The following TMEM114 variants were observed in gnomAD, a reference collection of about 807,000 sequenced individuals.
TMEM114 encodes claudin-26.
A neutral mutation model predicts 6.2 loss-of-function variants in TMEM114; 6 were observed. The ratio of observed to expected loss-of-function variants is 0.97; its 90% confidence interval spans 0.53 to 1.91. TMEM114 has a LOEUF of 1.91. Ranked by LOEUF, TMEM114 falls within the 40% of genes most tolerant of loss-of-function variation. The pLI is 0.01. For synonymous variants in TMEM114, 104 were observed against 73.0 expected (o/e 1.42, Z -2.16); for missense variants, 218 against 158.3 (o/e 1.38, Z -2.02).
chr16:8,564,949 G>A (rs116683857), downstream of TMEM114, among the ~76,000 whole-genome samples: 432 of 142,606 alleles, frequency 3.0e-3, 8 homozygotes, highest in African/African-American at 0.011. Context: ...GAGGGAATGG[G>A]TGAGTGAATG....
intron 2 of TMEM114, among the ~76,000 whole-genome samples, chr16:8,540,051 C>G (rs977408888): frequency 1.3e-5 from 2 of 152,082 alleles, no homozygotes; most frequent in Non-Finnish European, 1.5e-5. Context: ...CTCTCGACCT[C>G]AGCCTAAGGT....
chr16:8,579,998 C>A (rs116774032), intron 2 of TMEM114, among the ~76,000 whole-genome samples: 283 of 152,064 alleles, frequency 1.9e-3, no homozygotes, highest in African/African-American at 6.5e-3. Flanking sequence ...GAGAGGGATT[C>A]CCAAAAGTGG....
intron 2 of TMEM114, among the ~76,000 whole-genome samples, chr16:8,585,001 A>G (rs1440949836): frequency 6.6e-6 from 1 of 152,084 alleles, no homozygotes; most frequent in Non-Finnish European, 1.5e-5. Context: ...TGGGTAATTT[A>G]TAAAGGAAAG....
At chr16:8,550,177 C>T (rs546331541) in intron 2 of TMEM114, among the ~76,000 whole-genome samples, 4 of 152,344 alleles carry the variant, frequency 2.6e-5, no homozygotes, top group Middle Eastern at 3.4e-3. Flanking sequence ...GCCGTGCTGG[C>T]AGCTAATTGG....
At chr16:8,535,757 T>A (rs574552946), downstream of TMEM114, among the ~76,000 whole-genome samples, 4 of 152,320 alleles carry the variant, frequency 2.6e-5, no homozygotes, top group African/African-American at 9.6e-5. Flanking sequence ...GGTGATGGTA[T>A]GGGAGACTCA....
At position 8,582,225 on chromosome 16, in the gene TMEM114, T is replaced by A. The variant is rs116055452; in HGVS notation, c.301+6988A>T. On this transcript the variant is annotated intron_variant, in intron 2 of 3. Transcript: ENST00000620492. ...AAGGCATTTGACCTCTCTGGGTCTG[T>A]TGTCCTCATCTGACCAGCCTGGCCT... 1.3e-3 allele frequency among the ~76,000 whole-genome samples: 201 copies of A among 152,276 alleles called. 1 individual carries two copies. Among genetic ancestry groups the A allele is most frequent in the African/African-American group, 4.7e-3 (195 of 41,562 alleles).
chr16:8,550,276 C>T (rs1035499634), intron 2 of TMEM114, among the ~76,000 whole-genome samples: 7 of 152,238 alleles, frequency 4.6e-5, no homozygotes. Flanking sequence ...CAGAAATACC[C>T]AGATACATCC....
At chr16:8,527,619 C>A in the TMEM114 span, among the ~76,000 whole-genome samples, 1 of 152,124 alleles carries the variant, frequency 6.6e-6, no homozygotes, top group Non-Finnish European at 1.5e-5. Flanking sequence ...GTACTAAGCC[C>A]CTTTCTTGTT....
downstream of TMEM114, among the ~76,000 whole-genome samples, chr16:8,568,007 A>C (rs1026383616): frequency 6.6e-6 from 1 of 152,196 alleles, no homozygotes; most frequent in African/African-American, 2.4e-5. Flanking sequence ...AAAGGAGCAG[A>C]CAGCCAGTAA....
chr16:8,578,716 C>A (rs1336831339), intron 2 of TMEM114, among the ~76,000 whole-genome samples: 1 of 152,142 alleles, frequency 6.6e-6, no homozygotes, highest in African/African-American at 2.4e-5. Flanking sequence ...TGGTGGCCCA[C>A]ACCTGTAATC....
the TMEM114 span, among the ~76,000 whole-genome samples, chr16:8,527,005 C>G: frequency 6.6e-6 from 1 of 152,166 alleles, no homozygotes; most frequent in African/African-American, 2.4e-5. Context: ...GTCAGGAGCT[C>G]AAGACCAGCC....
At chr16:8,583,264 C>T (rs1902214586) in intron 2 of TMEM114, among the ~76,000 whole-genome samples, 1 of 152,146 alleles carries the variant, frequency 6.6e-6, no homozygotes, top group African/African-American at 2.4e-5. Context: ...TCTGGTGGGT[C>T]TGCGATGATT....
intron 2 of TMEM114, among the ~76,000 whole-genome samples, chr16:8,577,293 G>T (rs1384215978): frequency 6.6e-6 from 1 of 152,218 alleles, no homozygotes; most frequent in Non-Finnish European, 1.5e-5. Context: ...TTAACAGCTA[G>T]AGAGGGATGA....
rs1455619303 is a variant in TMEM114, at chr16:8,569,817, C to T, written c.628G>A (p.Ala210Thr). Residue 210 changes from alanine (A) to threonine (T), a missense_variant, in exon 4 of 4, where the codon GCC becomes ACC. By Grantham distance (58) the Ala-to-Thr change is moderately conservative. Coordinates refer to ENST00000620492, the MANE Select transcript of TMEM114 (RefSeq NM_001146336.2). ...LLTGAAFLAA[A>T]RELSLRRRQD... is the part of the protein sequence containing the mutation. Reference sequence around the variant, plus strand: ...CTCCGTCTCAGGCTGAGCTCGCGGGCTGCTGCCAGGAAGGCTGCCCCGGTG... The same window carrying T: ...CTCCGTCTCAGGCTGAGCTCGCGGGTTGCTGCCAGGAAGGCTGCCCCGGTG... 4 of 1,550,942 alleles carry T rather than the reference C, an allele frequency of 2.6e-6. No homozygotes were observed. The highest frequency in any genetic ancestry group is 3.5e-6 in the Non-Finnish European group (4 of 1,146,940).
At chr16:8,562,076 G>A (rs12918287) in intron 2 of TMEM114, among the ~76,000 whole-genome samples, 6 of 150,720 alleles carry the variant, frequency 4.0e-5, no homozygotes, top group Non-Finnish European at 8.9e-5. Flanking sequence ...AAATGAGTGA[G>A]TGAATGAATG....
chr16:8,553,028 C>T (rs191550168), intron 2 of TMEM114, among the ~76,000 whole-genome samples: 19 of 152,342 alleles, frequency 1.2e-4, no homozygotes, highest in African/African-American at 4.3e-4. Context: ...CTAATCCAGC[C>T]GAGGTTCTTG....
chr16:8,551,836 A>T (rs985282939), intron 2 of TMEM114, among the ~76,000 whole-genome samples: 7 of 152,218 alleles, frequency 4.6e-5, no homozygotes, highest in African/African-American at 1.4e-4. Context: ...ACTGAGAGCC[A>T]CCCAAATGTC....
chr16:8,535,779 G>T (rs879161302), downstream of TMEM114, among the ~76,000 whole-genome samples: 3 of 152,172 alleles, frequency 2.0e-5, no homozygotes, highest in Admixed American at 2.0e-4. Context: ...TGCGTAGGGA[G>T]CCCTGCCATG....
intron 2 of TMEM114, among the ~76,000 whole-genome samples, chr16:8,573,731 A>G (rs1901815647): frequency 6.6e-6 from 1 of 152,140 alleles, no homozygotes; most frequent in African/African-American, 2.4e-5. Flanking sequence ...TGTTCTGGGA[A>G]GTCTTTCCTT....
Sources: allele counts gnomAD v4.1 joint callset (sites outside exome capture counted in the v4.1 genomes callset), GRCh38; gene constraint gnomAD v4.1.1; transcripts MANE v1.5; gene names NCBI Gene and HGNC (gene_info 2026-07-23, HGNC 2026-07-21).